Variants in SCAPER observed in about 807,000 individuals in gnomAD.
SCAPER encodes S-phase cyclin A associated protein in the ER.
Under a neutral mutation model 182.2 loss-of-function variants are expected in SCAPER, and 98 were observed. That is an observed-to-expected ratio of 0.54 (90% confidence interval 0.46 to 0.64). The LOEUF is 0.64. SCAPER is among the 30% of genes least tolerant of loss of function. The probability of loss-of-function intolerance (pLI) is 0.00; values close to 1 mark genes in which losing one functional copy is unlikely to be tolerated. For missense variants in SCAPER, 1,432 were observed against 1,690.0 expected, an observed-to-expected ratio of 0.85 and a Z score of 2.68; for synonymous variants, 605 against 564.6, an observed-to-expected ratio of 1.07 and a Z score of -1.01.
At chr15:76,558,331 G>A (rs886134027) in intron 23 of SCAPER, among the ~76,000 whole-genome samples, 1 of 152,044 alleles carries the variant, frequency 6.6e-6, no homozygotes, top group East Asian at 1.9e-4. Flanking sequence ...GTGGGCAAAG[G>A]ACACAGACAG....
At chr15:76,871,408 C>CA (rs1220368116) in intron 2 of SCAPER, among the ~76,000 whole-genome samples, 6,300 of 67,416 alleles carry the variant, frequency 0.093, 537 homozygotes, top group African/African-American at 0.24. Flanking sequence ...GACTCCATCT[C>CA]AAAAAAAAAA....
At chr15:76,653,288 G>T (rs888004001) in intron 21 of SCAPER, among the ~76,000 whole-genome samples, 7 of 152,048 alleles carry the variant, frequency 4.6e-5, no homozygotes, top group African/African-American at 1.7e-4. Flanking sequence ...TGGCTATACT[G>T]CCCAAAGCAA....
chr15:76,843,219 T>C (rs1184999465), intron 4 of SCAPER, among the ~76,000 whole-genome samples: 1 of 152,218 alleles, frequency 6.6e-6, no homozygotes, highest in Non-Finnish European at 1.5e-5. Flanking sequence ...CGGGCAATAA[T>C]GCCTTGGGGT....
rs534291743 is a variant in SCAPER, at chr15:76,398,097, C to T, written c.3467+6427G>A. ...TTTCTCCTTTATGTCTTTGCTTATG[C>T]TATTTTCTTGGTCCACCTTTTTCTC... On this transcript the variant is annotated intron_variant, in intron 27 of 31. Transcript: ENST00000563290. 3.3e-5 allele frequency among the ~76,000 whole-genome samples: 5 copies of T among 152,230 alleles called. No individual in the cohort carries two copies. The South Asian group carries it at 1.0e-3, about 32-fold the overall frequency.
chr15:76,889,759 T>A lies in SCAPER; in HGVS notation c.-59-5883A>T, dbSNP rs188647726. On this transcript the variant is annotated intron_variant, in intron 1 of 31. Transcript: ENST00000563290. ...ACCCTACTCTCAGTATTAGACAGAT[T>A]AATGAGACAGAAGGTTAACAAGGAT... Among the ~76,000 whole-genome samples the A allele has an allele frequency of 1.0e-3, 156 of 152,136 alleles. 3 individuals carry two copies. The highest frequency in any genetic ancestry group is 3.7e-3 in the African/African-American group (153 of 41,506).
chr15:76,369,490 T>C (rs1277629370), intron 29 of SCAPER, among the ~76,000 whole-genome samples: 1 of 152,156 alleles, frequency 6.6e-6, no homozygotes. Flanking sequence ...CGCTTGACAA[T>C]TCCTTTTCCT....
intron 25 of SCAPER, among the ~76,000 whole-genome samples, chr15:76,454,257 C>A (rs968685003): frequency 2.6e-5 from 4 of 152,134 alleles, no homozygotes; most frequent in Admixed American, 6.5e-5. Context: ...TTTCCTCTGA[C>A]CCCTGAAAAT....
intron 23 of SCAPER, among the ~76,000 whole-genome samples, chr15:76,573,150 A>C (rs560378932): frequency 6.6e-6 from 1 of 152,298 alleles, no homozygotes; most frequent in East Asian, 1.9e-4. Context: ...TTATTTAACA[A>C]AACATTTATG....
intron 5 of SCAPER, among the ~76,000 whole-genome samples, chr15:76,840,417 CA>C (rs35131345): frequency 0.43 from 44,269 of 103,196 alleles, 6,496 homozygotes; most frequent in East Asian, 0.61. Context: ...AGACCTGCCT[CA>C]AAAAAAAAAA....
chr15:76,669,280 A>C (rs560205197), intron 20 of SCAPER, among the ~76,000 whole-genome samples: 1 of 152,324 alleles, frequency 6.6e-6, no homozygotes, highest in African/African-American at 2.4e-5. Flanking sequence ...CTCACTGTAG[A>C]ATATTTTCTT....
intron 29 of SCAPER, among the ~76,000 whole-genome samples, chr15:76,374,380 A>G (rs1304009865): frequency 6.6e-6 from 1 of 151,756 alleles, no homozygotes; most frequent in African/African-American, 2.4e-5. Context: ...AGAGCAAGAC[A>G]CTGTCTCAAA....
At chr15:76,652,443 G>T (rs1164312087) in intron 21 of SCAPER, among the ~76,000 whole-genome samples, 1 of 95,942 alleles carries the variant, frequency 1.0e-5, no homozygotes, top group Non-Finnish European at 2.0e-5. Context: ...CTTGAGGTCA[G>T]AAGTTCGAAA....
chr15:76,425,668 T>A (rs570275985), intron 26 of SCAPER, among the ~76,000 whole-genome samples: 1 of 152,244 alleles, frequency 6.6e-6, no homozygotes. Context: ...AGGAGCTGCG[T>A]TCCTTTGGAG....
chr15:76,506,672 A>T (rs529508715), intron 23 of SCAPER, among the ~76,000 whole-genome samples: 1 of 152,286 alleles, frequency 6.6e-6, no homozygotes, highest in African/African-American at 2.4e-5. Context: ...ACTTACTTAA[A>T]AATCACATCT....
At chr15:76,695,465 T>C (rs1174003533) in intron 20 of SCAPER, among the ~76,000 whole-genome samples, 2 of 151,638 alleles carry the variant, frequency 1.3e-5, no homozygotes, top group Non-Finnish European at 2.9e-5. Flanking sequence ...GGTGAGGTGG[T>C]AGGCGCCTGT....
intron 2 of SCAPER, among the ~76,000 whole-genome samples, chr15:76,876,008 A>AGCGCT (rs1239037953): frequency 6.6e-6 from 1 of 152,178 alleles, no homozygotes; most frequent in Non-Finnish European, 1.5e-5. Flanking sequence ...CGAGAAATCG[A>AGCGCT]GCGCAGCGCC....
At chr15:76,363,856 T>C (rs2041622908) in intron 29 of SCAPER, among the ~76,000 whole-genome samples, 1 of 152,190 alleles carries the variant, frequency 6.6e-6, no homozygotes, top group Non-Finnish European at 1.5e-5. Flanking sequence ...GCAGCTGCGG[T>C]GGCCAGGCGA....
rs543135885 is a variant in SCAPER at position 76,603,430 on chromosome 15, G to A, written c.2711+18334C>T. Among the ~76,000 whole-genome samples the A allele has an allele frequency of 3.5e-4, 43 of 121,508 alleles. 12 individuals carry two copies. In the South Asian group the frequency reaches 7.6e-3, roughly 22 times the overall value. The allele number at this position is 121,508 out of a possible 152,430, so 79.7% of individuals were successfully genotyped here. On this transcript the variant is annotated intron_variant, in intron 22 of 31. Coordinates refer to ENST00000563290, the MANE Select transcript of SCAPER (RefSeq NM_020843.4). ...CCACGTTTTCTTAATCCAGTCTATG[G>A]TTCTTGGACATTTAGGTTGGTTCCA...
chr15:76,813,227 TAAAAAAAAAAAAA>T (rs746891532), intron 5 of SCAPER, among the ~76,000 whole-genome samples: 2 of 17,284 alleles, frequency 1.2e-4, no homozygotes, highest in East Asian at 3.3e-3. Flanking sequence ...ATCCTTTCAC[TAAAAAAAAAAAAA>T]AAAAAAAAAA....
Sources: allele counts gnomAD v4.1 joint callset (sites outside exome capture counted in the v4.1 genomes callset), GRCh38; gene constraint gnomAD v4.1.1; transcripts MANE v1.5; gene names NCBI Gene and HGNC (gene_info 2026-07-23, HGNC 2026-07-21).